BMS1: variants seen among roughly 807,000 people sequenced by gnomAD.
BMS1 encodes BMS1 ribosome biogenesis factor, also known as ribosome biogenesis protein BMS1 homolog.
In BMS1, 53 loss-of-function variants were observed where a neutral mutation model predicts 138.7. That is an observed-to-expected ratio of 0.38 (90% CI 0.31 to 0.48). The LOEUF (loss-of-function observed/expected upper bound fraction) is 0.48. Among genes scored for constraint, BMS1 ranks in the 20% least tolerant of loss-of-function variants. The pLI, the probability that BMS1 is intolerant of heterozygous loss-of-function variation, is 0.97. For missense variants in BMS1, 1,360 were observed against 1,565.5 expected (o/e 0.87, Z 2.22); for synonymous variants, 504 against 539.9 (o/e 0.93, Z 0.92).
chr10:42,826,237 TTGTGTGTGTG>T (rs35886214), intron 21 of BMS1, among the ~76,000 whole-genome samples: 1,582 of 145,686 alleles, frequency 0.011, 51 homozygotes, highest in East Asian at 0.098. Context: ...TTTTTGTTTG[TTGTGTGTGTG>T]TGTGTGTGTG....
chr10:42,834,675 C>T lies in BMS1; in HGVS notation c.*3579C>T, dbSNP rs78983865. The stretch of plus-strand genomic sequence containing the variant: ...TTCATATTTGGGGATGGTACCTTAT[C>T]GAAAATCAGATAAACTTTGGTTGGA... On this transcript the variant is annotated 3_prime_UTR_variant, in exon 23 of 23. Coordinates refer to ENST00000374518, the MANE Select transcript of BMS1 (RefSeq NM_014753.4). 3 of 152,050 alleles carry T rather than the reference C, an allele frequency of 2.0e-5. No individual in the cohort carries two copies. The highest frequency in any genetic ancestry group is 4.4e-5 in the Non-Finnish European group (3 of 68,022). 9.4% of individuals were successfully genotyped at this position (152,050 alleles called of 1,614,324 possible). A position where few individuals can be genotyped will look rare whatever the true frequency, so the allele number is the denominator to read the frequency against.
At chr10:42,816,902 G>A (rs533680773) in intron 14 of BMS1, among the ~76,000 whole-genome samples, 2 of 152,200 alleles carry the variant, frequency 1.3e-5, no homozygotes, top group South Asian at 4.1e-4. Context: ...AGTCCACTGT[G>A]ATTTTTCACT....
At position 42,830,440 on chromosome 10, in the gene BMS1, G is replaced by A; in HGVS notation, c.3618+18G>A. 6.3e-7 allele frequency: 1 copy of A among 1,582,978 alleles called. No homozygotes were observed. The highest frequency in any genetic ancestry group is 8.5e-7 in the Non-Finnish European group (1 of 1,170,162). ...AAAGAAAGGTACTGTTGCCCATGCT[G>A]TACTGCACGCTGCGTTTAGATAGGA... On this transcript the variant is annotated intron_variant, in intron 22 of 22. Coordinates refer to ENST00000374518, the MANE Select transcript of BMS1 (RefSeq NM_014753.4).
At chr10:42,785,207 T>G (rs1469052470) in intron 2 of BMS1, among the ~76,000 whole-genome samples, 2 of 152,210 alleles carry the variant, frequency 1.3e-5, no homozygotes, top group African/African-American at 4.8e-5. Context: ...ACAGTCAGAT[T>G]TAAGGAGTGT....
At chr10:42,815,054 T>G (rs1305393332) in intron 13 of BMS1, among the ~76,000 whole-genome samples, 2 of 152,194 alleles carry the variant, frequency 1.3e-5, no homozygotes, top group Non-Finnish European at 2.9e-5. Context: ...AATTCTCCTT[T>G]GATCATCTCC....
chr10:42,796,784 G>C lies in BMS1; in HGVS notation c.1540G>C (p.Glu514Gln), dbSNP rs750878559. ...CGATGACCTTGAGAGGAGCTCAGCG[G>C]AAGAAGGGGAAGCGGAGGAAGCTGA... Reference protein sequence around the residue: ...SDDDLERSSAEEGEAEEADES... With the variant: ...SDDDLERSSAQEGEAEEADES... The change falls in exon 10 of 23, where the codon GAA (glutamate) becomes CAA (glutamine). Residue 514 changes from glutamate (E) to glutamine (Q), a missense_variant. By Grantham distance (29) the Glu-to-Gln change is conservative. Coordinates refer to ENST00000374518, the MANE Select transcript of BMS1 (RefSeq NM_014753.4). 1.9e-6 allele frequency: 3 copies of C among 1,614,104 alleles called. No individual in the cohort carries two copies. In the African/African-American group the frequency reaches 4.0e-5, roughly 22 times the overall value.
intron 13 of BMS1, 25 bp from the exon 14 acceptor site, chr10:42,816,574 C>A (rs1454265897): frequency 5.0e-6 from 8 of 1,590,788 alleles, no homozygotes; most frequent in Non-Finnish European, 6.8e-6. Flanking sequence ...GCTCACAGAG[C>A]AGCCTTTGGG....
In BMS1 at chr10:42,796,760, G is replaced by A. The variant is rs759394111; in HGVS notation, c.1516G>A (p.Asp506Asn). The A allele has an allele frequency of 1.7e-5, 28 of 1,614,210 alleles. No individual in the cohort carries two copies. The highest frequency in any genetic ancestry group is 1.9e-5 in the Non-Finnish European group (23 of 1,180,034). The change falls in exon 10 of 23, where the codon GAT becomes AAT. Residue 506 changes from aspartate to asparagine, a missense_variant. Asp to Asn is a conservative substitution (Grantham distance 23, BLOSUM62 1). Around this residue, in one of 3 missense-constraint regions of BMS1, gnomAD observed 697 missense variants for 686.2 expected, o/e 1.02. Coordinates refer to ENST00000374518, the MANE Select transcript of BMS1 (RefSeq NM_014753.4). Reference protein sequence around the residue: ...MDLPAFADSDDDLERSSAEEG... With the variant: ...MDLPAFADSDNDLERSSAEEG... ...TTTGCCAGCATTTGCTGACAGTGAC[G>A]ATGACCTTGAGAGGAGCTCAGCGGA...
In BMS1 at chr10:42,791,638, G is replaced by A. The variant is rs765695629; in HGVS notation, c.648G>A (p.Leu216=). The change falls in exon 6 of 23, where the codon CTG becomes CTA. Residue 216 remains leucine, a synonymous_variant. Transcript: ENST00000374518. ...CCTCTAATGTTTAGGGTGCCAAGCT[G>A]TTCTACCTTTCTGGAATGGTGCATG... is the stretch of plus-strand genomic sequence containing the variant. ...FWTEVYPGAK[L]FYLSGMVHGE... 3.1e-6 allele frequency: 5 copies of A among 1,609,322 alleles called. No homozygotes were observed. Among genetic ancestry groups the A allele is most frequent in the Non-Finnish European group, 4.2e-6 (5 of 1,178,738 alleles).
chr10:42,796,894 G>T lies in BMS1; in HGVS notation c.1650G>T (p.Gly550=), dbSNP rs766920115. ...CTGCTGGAGAAGGTAGTAAAGCAGG[G>T]CTGTCACCAGCTAATTGCCAGAGTG... ...SKAAGEGSKA[G]LSPANCQSDR... Residue 550 remains glycine (G), a synonymous_variant, in exon 10 of 23, where the codon GGG becomes GGT. Transcript: ENST00000374518. 2 of 1,614,194 alleles carry T rather than the reference G, an allele frequency of 1.2e-6. No individual in the cohort carries two copies. The highest frequency in any genetic ancestry group is 2.2e-5 in the South Asian group (2 of 91,080).
At chr10:42,820,878 A>C (rs985998393) in intron 17 of BMS1, 56 bp from the exon 18 acceptor site, 7 of 1,468,774 alleles carry the variant, frequency 4.8e-6, no homozygotes, top group Non-Finnish European at 6.7e-6. Context: ...CAGTATGTTA[A>C]ACTAGAATCT....
intron 3 of BMS1, 86 bp downstream of exon 3, chr10:42,785,758 A>T: frequency 1.4e-6 from 2 of 1,410,244 alleles, no homozygotes; most frequent in East Asian, 4.6e-5. Flanking sequence ...CTTGAGTGGA[A>T]CATGTTAAAT....
chr10:42,797,526 A>G lies in BMS1; in HGVS notation c.2089+3A>G. 1 of 1,613,516 alleles carries G rather than the reference A, an allele frequency of 6.2e-7. No homozygotes were observed. The highest frequency in any genetic ancestry group is 8.5e-7 in the Non-Finnish European group (1 of 1,179,430). ...CCGAAAGCTTATTTATGGGACAGGTAAAGAATTCTGGTTCAGAACTAGAAA... is the reference window on the plus strand; with the variant it reads ...CCGAAAGCTTATTTATGGGACAGGTGAAGAATTCTGGTTCAGAACTAGAAA... On this transcript the variant is annotated splice_donor_region_variant and intron_variant, in intron 11 of 22. Coordinates refer to ENST00000374518, the MANE Select transcript of BMS1 (RefSeq NM_014753.4).
chr10:42,812,960 C>T (rs1029399444), intron 13 of BMS1, among the ~76,000 whole-genome samples: 6 of 152,152 alleles, frequency 3.9e-5, no homozygotes, highest in African/African-American at 1.2e-4. Context: ...GGAAAACCCA[C>T]GGCTAGGCCT....
At chr10:42,786,841 T>G (rs1367746907) in intron 3 of BMS1, among the ~76,000 whole-genome samples, 2 of 152,222 alleles carry the variant, frequency 1.3e-5, no homozygotes, top group Middle Eastern at 3.2e-3. Context: ...CGGGAAGTTT[T>G]GATAGAGGCA....
intron 5 of BMS1, 51 bp from the exon 6 acceptor site, chr10:42,791,576 T>C (rs757158521): frequency 7.3e-6 from 11 of 1,512,878 alleles, no homozygotes; most frequent in Middle Eastern, 4.8e-4. Context: ...TGTTGCAGTA[T>C]TGATGATAAT....
In BMS1 at chr10:42,787,919, A is replaced by G. The variant is rs533312768; in HGVS notation, c.447+672A>G. Reference sequence around the variant, plus strand: ...TCACTATTCTGATAGTCTATTAACTATCTTTTAAATTAGCAAAAATAAAAT... The same window carrying G: ...TCACTATTCTGATAGTCTATTAACTGTCTTTTAAATTAGCAAAAATAAAAT... On this transcript the variant is annotated intron_variant, in intron 4 of 22. Transcript: ENST00000374518. Among the ~76,000 whole-genome samples, 304 of 152,346 alleles carry G rather than the reference A, an allele frequency of 2.0e-3. 2 individuals carry two copies. The highest frequency in any genetic ancestry group is 3.7e-3 in the Non-Finnish European group (252 of 68,030).
At chr10:42,820,183 A>G in intron 15 of BMS1, 53 bp from the exon 16 acceptor site, 1 of 1,586,478 alleles carries the variant, frequency 6.3e-7, no homozygotes, top group Non-Finnish European at 8.5e-7. Flanking sequence ...TGTTAATCTT[A>G]TGTTTATTAC....
Position 42,796,606 on chromosome 10 carries a change from C to T in BMS1, c.1362C>T (p.Asp454=), listed in dbSNP as rs369686569. ...DEEDDEMSED[D]GLENGSSDEE... is the part of the protein sequence containing the mutation. ...AAGATGATGAAATGTCTGAAGATGA[C>T]GGGTTGGAAAACGGCTCTAGTGATG... Residue 454 remains aspartate, a synonymous_variant, in exon 10 of 23, where the codon GAC becomes GAT. Coordinates refer to ENST00000374518, the MANE Select transcript of BMS1 (RefSeq NM_014753.4). 103 of 1,613,802 alleles carry T rather than the reference C, an allele frequency of 6.4e-5. No individual in the cohort carries two copies. The highest frequency in any genetic ancestry group is 3.2e-4 in the South Asian group (29 of 91,078).
Sources: allele counts gnomAD v4.1 joint callset (sites outside exome capture counted in the v4.1 genomes callset), GRCh38; gene constraint gnomAD v4.1.1; regional missense constraint gnomAD v4.1.1; transcripts MANE v1.5; gene names NCBI Gene and HGNC (gene_info 2026-07-23, HGNC 2026-07-21).